ZNF25: variants seen among roughly 807,000 people sequenced by gnomAD.
The protein encoded by ZNF25 is zinc finger protein 25.
ZNF25 carries 21 observed loss-of-function variants against 30.9 expected under a neutral mutation model. The ratio of observed to expected loss-of-function variants is 0.68; its 90% confidence interval spans 0.48 to 0.98. ZNF25 has a LOEUF of 0.98. Among genes scored for constraint, ZNF25 ranks in the 50% least tolerant of loss-of-function variants. ZNF25 has a pLI of 0.00. For missense variants in ZNF25, 501 were observed against 529.9 expected (o/e 0.95, Z 0.54); for synonymous variants, 169 against 181.3 (o/e 0.93, Z 0.55).
In ZNF25 at chr10:37,951,972, C is replaced by T. The variant is rs1273376999; in HGVS notation, c.*155G>A. ...TAAAATTTTCTCCCAAATAAATGTA[C>T]AGAATCTCTCTATGTATTTGCTGAT... On this transcript the variant is annotated 3_prime_UTR_variant, in exon 6 of 6. Transcript: ENST00000302609. 2 of 569,704 alleles carry T rather than the reference C, an allele frequency of 3.5e-6. No homozygotes were observed. Among genetic ancestry groups the T allele is most frequent in the Non-Finnish European group, 2.8e-6 (1 of 351,786 alleles). The allele number at this position is 569,704 out of a possible 1,614,324, so 35.3% of individuals were successfully genotyped here. A position where few individuals can be genotyped will look rare whatever the true frequency, so the allele number is the denominator to read the frequency against.
intron 2 of ZNF25, among the ~76,000 whole-genome samples, chr10:37,969,580 T>C (rs570417083): frequency 6.6e-6 from 1 of 152,304 alleles, no homozygotes; most frequent in South Asian, 2.1e-4. Context: ...TAGAGATAGA[T>C]AACATATTAG....
Position 37,966,027 on chromosome 10 carries a change from C to T in ZNF25, c.15+5681G>A, listed in dbSNP as rs558155797. 5.3e-5 allele frequency among the ~76,000 whole-genome samples: 8 copies of T among 151,626 alleles called. No homozygotes were observed. The South Asian group carries it at 1.7e-3, about 32-fold the overall frequency. ...CACTAAAAACACCTTAAAACACTCA[C>T]AAAAGGAAATGAGGAGGAAAGCAAA... On this transcript the variant is annotated intron_variant, in intron 2 of 5. Transcript: ENST00000302609.
chr10:37,962,619 A>C (rs1268785253), intron 2 of ZNF25, among the ~76,000 whole-genome samples: 1 of 152,206 alleles, frequency 6.6e-6, no homozygotes, highest in African/African-American at 2.4e-5. Context: ...AGAAAATAAC[A>C]TTTGAAGTTG....
intron 4 of ZNF25, among the ~76,000 whole-genome samples, chr10:37,956,469 G>A (rs544159209): frequency 6.6e-6 from 1 of 152,326 alleles, no homozygotes; most frequent in Admixed American, 6.5e-5. Context: ...ATAAGAGTTT[G>A]TATACAGGAA....
chr10:37,952,553 T>C lies in ZNF25; in HGVS notation c.945A>G (p.Glu315=), dbSNP rs372567834. The change falls in exon 6 of 6, where the codon GAA becomes GAG. Residue 315 remains glutamate (E), a synonymous_variant. Coordinates refer to ENST00000302609, the MANE Select transcript of ZNF25 (RefSeq NM_145011.4). ...QRSHTGEKPY[E]CKECRKCFYQ... is the part of the protein sequence containing the mutation. ...AGAAGCATTTCCTACATTCCTTACA[T>C]TCATAGGGTTTCTCTCCTGTGTGAC... 183 of 1,613,798 alleles carry C rather than the reference T, an allele frequency of 1.1e-4. 1 individual carries two copies. In the East Asian group the frequency reaches 2.9e-3, roughly 25 times the overall value.
At chr10:37,974,908 T>C (rs961789862) in intron 1 of ZNF25, among the ~76,000 whole-genome samples, 2 of 152,298 alleles carry the variant, frequency 1.3e-5, no homozygotes, top group Non-Finnish European at 2.9e-5. Context: ...GTGGTATATA[T>C]ACACAATGGA....
chr10:37,971,639 AC>A (rs2063495612), intron 2 of ZNF25, 68 bp downstream of exon 2: 2 of 1,133,850 alleles, frequency 1.8e-6, no homozygotes, highest in Non-Finnish European at 2.4e-6. Context: ...AAACACACAC[AC>A]ACACACACAC....
At chr10:37,967,170 A>G (rs1173034441) in intron 2 of ZNF25, among the ~76,000 whole-genome samples, 4 of 152,298 alleles carry the variant, frequency 2.6e-5, no homozygotes, top group South Asian at 2.1e-4. Context: ...CAAACTCCCA[A>G]TGGCTTTTGC....
At chr10:37,958,565 C>T (rs540914527) in intron 2 of ZNF25, among the ~76,000 whole-genome samples, 27 of 152,294 alleles carry the variant, frequency 1.8e-4, no homozygotes, top group Admixed American at 8.5e-4. Flanking sequence ...TACATACACA[C>T]TTAACAAATA....
At chr10:37,968,469 C>A (rs1339156439) in intron 2 of ZNF25, among the ~76,000 whole-genome samples, 1 of 152,020 alleles carries the variant, frequency 6.6e-6, no homozygotes, top group Non-Finnish European at 1.5e-5. Context: ...GATTCTCCTG[C>A]CTCAGCCTCC....
At chr10:37,960,903 G>C (rs1261158832) in intron 2 of ZNF25, among the ~76,000 whole-genome samples, 1 of 152,120 alleles carries the variant, frequency 6.6e-6, no homozygotes, top group Non-Finnish European at 1.5e-5. Flanking sequence ...AGAAATGTTG[G>C]AAATATCTAG....
chr10:37,952,221 T>C lies in ZNF25; in HGVS notation c.1277A>G (p.Tyr426Cys), dbSNP rs1400206707. 8 of 1,613,972 alleles carry C rather than the reference T, an allele frequency of 5.0e-6. No individual in the cohort carries two copies. Among genetic ancestry groups the C allele is most frequent in the African/African-American group, 2.7e-5 (2 of 74,942 alleles). Residue 426 changes from tyrosine to cysteine, a missense_variant, in exon 6 of 6, where the codon TAT (tyrosine) becomes TGT (cysteine). Transcript: ENST00000302609. ...GGTTTCCCCACACTCCTGACACTCA[T>C]AGGGCTTCTCCCCTGTGTGTTTTCT... Reference protein sequence around the residue: ...HQRKHTGEKPYECQECGETFI... With the variant: ...HQRKHTGEKPCECQECGETFI...
chr10:37,964,346 CAGA>C (rs2063064542), intron 2 of ZNF25, among the ~76,000 whole-genome samples: 2 of 152,226 alleles, frequency 1.3e-5, no homozygotes, highest in South Asian at 4.2e-4. Flanking sequence ...TTGGAGGGCT[CAGA>C]AGAAGACACT....
chr10:37,973,047 A>G (rs1239721896), intron 1 of ZNF25, among the ~76,000 whole-genome samples: 1 of 152,156 alleles, frequency 6.6e-6, no homozygotes, highest in Non-Finnish European at 1.5e-5. Flanking sequence ...GCATGCCTGT[A>G]ATCCCAGCTA....
intron 5 of ZNF25, 68 bp downstream of exon 5, chr10:37,953,627 T>G (rs2062323162): frequency 1.4e-6 from 2 of 1,466,328 alleles, no homozygotes; most frequent in South Asian, 2.3e-5. Context: ...TGCCCTCCCA[T>G]TTCTAGTAAC....
At chr10:37,974,658 T>C (rs1172356359) in intron 1 of ZNF25, among the ~76,000 whole-genome samples, 3 of 152,208 alleles carry the variant, frequency 2.0e-5, no homozygotes, top group Non-Finnish European at 2.9e-5. Flanking sequence ...CATACAACCT[T>C]GGTGGCAATG....
chr10:37,974,778 G>A lies in ZNF25; in HGVS notation c.-86+1728C>T, dbSNP rs558359319. Among the ~76,000 whole-genome samples, 4 of 152,136 alleles carry A rather than the reference G, an allele frequency of 2.6e-5. No homozygotes were observed. The South Asian group carries it at 8.3e-4, about 32-fold the overall frequency. ...ACTGCTATATATATATCCAAAAGAA[G>A]GGAAATCCGTATATTGAAGATATCT... On this transcript the variant is annotated intron_variant, in intron 1 of 5. Transcript: ENST00000302609.
rs528119902 is a variant in ZNF25, at chr10:37,955,145, C to A, written c.239-1387G>T. ...TGCCAGCCTGCGCAACAGAGTGAGA[C>A]TCCATATAAAAAAAAAAAAAATCTT... is the stretch of plus-strand genomic sequence containing the variant. On this transcript the variant is annotated intron_variant, in intron 4 of 5. Transcript: ENST00000302609. 4.7e-5 allele frequency among the ~76,000 whole-genome samples: 7 copies of A among 147,966 alleles called. No homozygotes were observed. The East Asian group carries it at 1.4e-3, about 29-fold the overall frequency.
intron 1 of ZNF25, among the ~76,000 whole-genome samples, chr10:37,973,681 A>C (rs2063629748): frequency 6.6e-6 from 1 of 152,156 alleles, no homozygotes; most frequent in South Asian, 2.1e-4. Context: ...GGCAGAATTA[A>C]TATTGTTAAA....
Sources: allele counts gnomAD v4.1 joint callset (sites outside exome capture counted in the v4.1 genomes callset), GRCh38; gene constraint gnomAD v4.1.1; transcripts MANE v1.5; gene names NCBI Gene and HGNC (gene_info 2026-07-23, HGNC 2026-07-21).